Variants in COX10 observed in about 807,000 individuals in gnomAD.
COX10 encodes protoheme IX farnesyltransferase, mitochondrial.
Under a neutral mutation model 37.3 loss-of-function variants are expected in COX10, and 27 were observed. The observed-to-expected ratio is 0.72, with a 90% CI of 0.53 to 1.00. The LOEUF (loss-of-function observed/expected upper bound fraction) is 1.00, where lower values mean the gene tolerates loss of function less well. COX10 is among the 50% of genes least tolerant of loss of function. The pLI, the probability that COX10 is intolerant of heterozygous loss-of-function variation, is 0.00. For synonymous variants in COX10, 222 were observed against 229.1 expected (o/e 0.97, Z 0.28); for missense variants, 475 against 563.2 (o/e 0.84, Z 1.59).
chr17:14,142,698 A>G lies in COX10; in HGVS notation c.625-17179A>G, dbSNP rs577498244. On this transcript the variant is annotated intron_variant, in intron 4 of 6. Coordinates refer to ENST00000261643, the MANE Select transcript of COX10 (RefSeq NM_001303.4). ...TTTCTATCTATGTATAGAAAAGCAA[A>G]CATTTCTTCCCAGTTTGCTATTAAA... Among the ~76,000 whole-genome samples, 10 of 152,334 alleles carry G rather than the reference A, an allele frequency of 6.6e-5. No homozygotes were observed. The South Asian group carries it at 2.1e-3, about 32-fold the overall frequency.
In COX10 at chr17:14,192,075, C is replaced by A. The variant is rs1402774441; in HGVS notation, c.782C>A (p.Ala261Asp). ...LTLGVNPLTGALGLFNIFLYT... is the reference protein window; with the variant it reads ...LTLGVNPLTGDLGLFNIFLYT... ...TTGGGGGTGAATCCACTCACAGGAG[C>A]CCTGGGGCTCTTCAACATTTTCCTG... The change falls in exon 6 of 7, where the codon GCC becomes GAC. Residue 261 changes from alanine (A) to aspartate (D), a missense_variant. Around this residue, in one of 5 missense-constraint regions of COX10, gnomAD observed 54 missense variants for 70.6 expected, o/e 0.76. Transcript: ENST00000261643. 6.2e-7 allele frequency: 1 copy of A among 1,614,194 alleles called. No individual in the cohort carries two copies. Among genetic ancestry groups the A allele is most frequent in the Non-Finnish European group, 8.5e-7 (1 of 1,180,050 alleles).
intron 5 of COX10, among the ~76,000 whole-genome samples, chr17:14,183,772 A>G (rs1424284533): frequency 2.0e-5 from 3 of 152,220 alleles, no homozygotes; most frequent in African/African-American, 7.2e-5. Context: ...GGTCCTTCCT[A>G]TTTAAATTAT....
intron 5 of COX10, among the ~76,000 whole-genome samples, chr17:14,162,239 A>G (rs1905185226): frequency 6.6e-6 from 1 of 152,264 alleles, no homozygotes; most frequent in Admixed American, 6.5e-5. Flanking sequence ...AATCACTTTC[A>G]GAATACAAGT....
At chr17:14,079,615 T>C (rs1468042114) in intron 3 of COX10, among the ~76,000 whole-genome samples, 1 of 152,208 alleles carries the variant, frequency 6.6e-6, no homozygotes, top group Non-Finnish European at 1.5e-5. Context: ...TCACTTTGTG[T>C]TTTGTCTTAT....
intron 3 of COX10, among the ~76,000 whole-genome samples, chr17:14,099,099 A>G (rs932279310): frequency 1.1e-4 from 17 of 151,924 alleles, no homozygotes; most frequent in Non-Finnish European, 1.5e-4. Context: ...TCTTCCTGTA[A>G]TCTTTATCCG....
chr17:14,097,716 A>G (rs548417856), intron 3 of COX10, among the ~76,000 whole-genome samples: 4 of 152,256 alleles, frequency 2.6e-5, no homozygotes, highest in South Asian at 2.1e-4. Context: ...GAACATTTCT[A>G]TTATTGACAG....
intron 5 of COX10, among the ~76,000 whole-genome samples, chr17:14,172,572 C>CTTTTCCTTTTTTTTT (rs1567607448): frequency 1.6e-5 from 2 of 122,764 alleles, no homozygotes; most frequent in Non-Finnish European, 1.7e-5. Context: ...TTCTTTTTTT[C>CTTTTCCTTTTTTTTT]TTTTTCTTTT....
At chr17:14,083,902 A>G (rs1915353735) in intron 3 of COX10, among the ~76,000 whole-genome samples, 1 of 152,182 alleles carries the variant, frequency 6.6e-6, no homozygotes, top group African/African-American at 2.4e-5. Flanking sequence ...AAAAAGCAGA[A>G]CTTTTTTCCT....
chr17:14,143,213 G>A (rs931758665), intron 4 of COX10, among the ~76,000 whole-genome samples: 1 of 151,926 alleles, frequency 6.6e-6, no homozygotes, highest in Non-Finnish European at 1.5e-5. Context: ...TGTATTTCGG[G>A]TACTGATTTT....
At chr17:14,163,344 T>G (rs1355846187) in intron 5 of COX10, among the ~76,000 whole-genome samples, 2 of 151,978 alleles carry the variant, frequency 1.3e-5, no homozygotes, top group Non-Finnish European at 2.9e-5. Flanking sequence ...AACCTCCACC[T>G]CCCAGGTTCA....
At chr17:14,156,244 T>C (rs142854808) in intron 4 of COX10, among the ~76,000 whole-genome samples, 1 of 152,260 alleles carries the variant, frequency 6.6e-6, no homozygotes, top group African/African-American at 2.4e-5. Context: ...ATTTTTTTTT[T>C]GAGACGGAGT....
chr17:14,166,381 A>G (rs1408702184), intron 5 of COX10, among the ~76,000 whole-genome samples: 1 of 152,244 alleles, frequency 6.6e-6, no homozygotes, highest in African/African-American at 2.4e-5. Flanking sequence ...CCTGTACTCT[A>G]TAAATGGAAA....
chr17:14,141,529 CAAAAAAA>C (rs71147842), intron 4 of COX10, among the ~76,000 whole-genome samples: 11 of 67,508 alleles, frequency 1.6e-4, no homozygotes, highest in Admixed American at 6.2e-4. Flanking sequence ...GTCCCTGTCT[CAAAAAAA>C]AAAAAAAAAA....
chr17:14,184,360 T>C (rs1905960274), intron 5 of COX10, among the ~76,000 whole-genome samples: 1 of 152,222 alleles, frequency 6.6e-6, no homozygotes, highest in African/African-American at 2.4e-5. Context: ...TCAGCATGCT[T>C]AGTTATGCTA....
intron 5 of COX10, among the ~76,000 whole-genome samples, chr17:14,191,166 A>T (rs1906189357): frequency 6.6e-6 from 1 of 152,058 alleles, no homozygotes; most frequent in African/African-American, 2.4e-5. Context: ...AGACTCTCAA[A>T]AAGCCTTTCA....
intron 4 of COX10, 119 bp downstream of exon 4, chr17:14,102,361 A>G (rs2142200445): frequency 5.6e-6 from 8 of 1,437,428 alleles, no homozygotes; most frequent in African/African-American, 2.8e-5. Context: ...TTGTAACACT[A>G]TATATCCTAT....
intron 3 of COX10, among the ~76,000 whole-genome samples, chr17:14,096,420 G>GC (rs1915657129): frequency 1.5e-5 from 2 of 133,106 alleles, no homozygotes; most frequent in African/African-American, 5.7e-5. Flanking sequence ...TGTTGCCCAG[G>GC]CTGGAGTGCA....
chr17:14,151,898 T>C (rs1192127277), intron 4 of COX10, among the ~76,000 whole-genome samples: 1 of 152,242 alleles, frequency 6.6e-6, no homozygotes, highest in Non-Finnish European at 1.5e-5. Flanking sequence ...AATAATTTAG[T>C]GCAGTCTGCA....
At chr17:14,117,252 G>A (rs1916133960) in intron 4 of COX10, among the ~76,000 whole-genome samples, 1 of 151,922 alleles carries the variant, frequency 6.6e-6, no homozygotes. Flanking sequence ...TTTATTTTGG[G>A]TTATATGGAG....
Sources: allele counts gnomAD v4.1 joint callset (sites outside exome capture counted in the v4.1 genomes callset), GRCh38; gene constraint gnomAD v4.1.1; regional missense constraint gnomAD v4.1.1; transcripts MANE v1.5; gene names NCBI Gene and HGNC (gene_info 2026-07-23, HGNC 2026-07-21).